ATM: variants seen among roughly 807,000 people sequenced by gnomAD.
The protein encoded by ATM is serine-protein kinase ATM.
ATM carries 308 observed loss-of-function variants against 387.0 expected under a neutral mutation model. The observed-to-expected ratio is 0.80, with a 90% CI of 0.73 to 0.87. The LOEUF (loss-of-function observed/expected upper bound fraction) is 0.87. Among genes scored for constraint, ATM ranks in the 40% least tolerant of loss-of-function variants. ATM has a pLI of 0.00. For synonymous variants in ATM, 1,156 were observed against 1,187.3 expected, an observed-to-expected ratio of 0.97 and a Z score of 0.54; for missense variants, 3,312 against 3,560.9, an observed-to-expected ratio of 0.93 and a Z score of 1.78.
intron 61 of ATM, among the ~76,000 whole-genome samples, chr11:108,357,238 G>A (rs365288): frequency 0.52 from 79,566 of 151,936 alleles, 21,708 homozygotes; most frequent in Middle Eastern, 0.73. Flanking sequence ...TTTTTGGACC[G>A]GCTTAAAAAA....
intron 31 of ATM, among the ~76,000 whole-genome samples, chr11:108,293,891 A>AT (rs1591680021): frequency 2.7e-4 from 31 of 116,508 alleles, no homozygotes; most frequent in East Asian, 2.0e-3. Flanking sequence ...AAAAAAAAAA[A>AT]AAAATATATA....
chr11:108,271,156 T>G lies in ATM; in HGVS notation c.2921+10T>G, dbSNP rs1060504278. 1 of 1,613,796 alleles carries G rather than the reference T, an allele frequency of 6.2e-7. No individual in the cohort carries two copies. Among genetic ancestry groups the G allele is most frequent in the Non-Finnish European group, 8.5e-7 (1 of 1,179,846 alleles). On this transcript the variant is annotated intron_variant, in intron 19 of 62. Transcript: ENST00000675843. Reference sequence around the variant, plus strand: ...TTCTGAAACCACTATCGTAAGAAATTAAAACCTTATGTTATGTTCACTTTA... The same window carrying G: ...TTCTGAAACCACTATCGTAAGAAATGAAAACCTTATGTTATGTTCACTTTA...
At chr11:108,268,296 T>C in intron 17 of ATM, 114 bp from the exon 18 acceptor site, 1 of 901,014 alleles carries the variant, frequency 1.1e-6, no homozygotes, top group South Asian at 1.4e-5. Flanking sequence ...AATTTCACTA[T>C]AATTTTGCTT....
rs587782236 is a variant in ATM, at chr11:108,304,823, G to A, written c.5645G>A (p.Arg1882Gln). The A allele has an allele frequency of 6.8e-6, 11 of 1,613,962 alleles. No individual in the cohort carries two copies. Among genetic ancestry groups the A allele is most frequent in the African/African-American group, 2.7e-5 (2 of 75,026 alleles). ...SCLRHFSQTS[R>Q]STTPANLDSE... ...CTTCGACACTTCTCGCAAACGAGCC[G>A]ATCCACAACCCCTGCAAACTTGGAT... The change falls in exon 37 of 63, where the codon CGA becomes CAA. Residue 1882 changes from arginine to glutamine, a missense_variant. By Grantham distance (43) the Arg-to-Gln change is conservative (BLOSUM62 1). Transcript: ENST00000675843.
intron 20 of ATM, among the ~76,000 whole-genome samples, chr11:108,271,689 A>T (rs994539665): frequency 6.6e-6 from 1 of 152,236 alleles, no homozygotes; most frequent in Non-Finnish European, 1.5e-5. Flanking sequence ...AGCCAAAATC[A>T]GTTGAATTGT....
chr11:108,225,898 A>G (rs1018702590), intron 1 of ATM: 3 of 152,172 alleles, frequency 2.0e-5, no homozygotes, highest in African/African-American at 7.2e-5. Flanking sequence ...AGATTCTGTG[A>G]GATTGAATCG....
At chr11:108,256,582 A>G (rs1192233392) in intron 14 of ATM, among the ~76,000 whole-genome samples, 2 of 152,278 alleles carry the variant, frequency 1.3e-5, no homozygotes, top group African/African-American at 2.4e-5. Context: ...GGTTTGTTAC[A>G]TAGATATACA....
intron 59 of ATM, among the ~76,000 whole-genome samples, chr11:108,349,051 C>T: frequency 6.6e-6 from 1 of 151,944 alleles, no homozygotes; most frequent in East Asian, 1.9e-4. Flanking sequence ...TCTGATCTCA[C>T]ACATCATCCG....
At chr11:108,272,918 T>C (rs2081679312) in intron 22 of ATM, 66 bp downstream of exon 22, 1 of 1,595,516 alleles carries the variant, frequency 6.3e-7, no homozygotes, top group Non-Finnish European at 8.6e-7. Flanking sequence ...TCTTACATAG[T>C]AACAGCTCAC....
rs1565356404 is a variant in ATM, at chr11:108,235,659, T to C, written c.332-11T>C. 1 of 1,594,210 alleles carries C rather than the reference T, an allele frequency of 6.3e-7. No homozygotes were observed. On this transcript the variant is annotated splice_polypyrimidine_tract_variant and intron_variant, in intron 4 of 62. Transcript: ENST00000675843. ...ATTTATGTTTTTCTTTATTTGTTTA[T>C]TTTGAAATAGGAGCACCTAGGCTAA...
At chr11:108,252,964 A>G in intron 12 of ATM, 52 bp downstream of exon 12, 1 of 1,468,620 alleles carries the variant, frequency 6.8e-7, no homozygotes, top group Middle Eastern at 1.8e-4. Flanking sequence ...CTTTAATTAC[A>G]AAGATGATAA....
intron 61 of ATM, among the ~76,000 whole-genome samples, chr11:108,362,405 T>C (rs2090875871): frequency 6.6e-6 from 1 of 151,890 alleles, no homozygotes; most frequent in South Asian, 2.1e-4. Context: ...TCCTCAGGGA[T>C]CTAGAATTAG....
intron 50 of ATM, chr11:108,331,187 C>T: frequency 2.6e-6 from 3 of 1,162,206 alleles, no homozygotes; most frequent in Admixed American, 4.3e-5. Flanking sequence ...GGAATATAAA[C>T]AGTACCAAGT....
chr11:108,357,825 T>C (rs951712795), intron 61 of ATM, among the ~76,000 whole-genome samples: 2 of 151,354 alleles, frequency 1.3e-5, no homozygotes, highest in Admixed American at 1.3e-4. Flanking sequence ...CAAAAGTAGA[T>C]AAAACCACAA....
At chr11:108,354,933 C>T (rs566209535) in intron 61 of ATM, 59 bp downstream of exon 61, 2 of 1,424,100 alleles carry the variant, frequency 1.4e-6, no homozygotes, top group Non-Finnish European at 2.0e-6. Flanking sequence ...CTGTGTATCT[C>T]ATCAGGAAGT....
At position 108,316,036 on chromosome 11, in the gene ATM, A is replaced by G. The variant is rs759753186; in HGVS notation, c.6121A>G (p.Met2041Val). 2 of 1,614,188 alleles carry G rather than the reference A, an allele frequency of 1.2e-6. No individual in the cohort carries two copies. Among genetic ancestry groups the G allele is most frequent in the East Asian group, 4.5e-5 (2 of 44,870 alleles). Reference protein sequence around the residue: ...TRLRTYEHEAMWGKALVTYDL... With the variant: ...TRLRTYEHEAVWGKALVTYDL... ...ACTACGAACATATGAACACGAAGCA[A>G]TGTGGGGCAAAGCCCTAGTAACATA... The change falls in exon 42 of 63, where the codon ATG becomes GTG. Residue 2041 changes from methionine to valine, a missense_variant. Around this residue, in one of 4 missense-constraint regions of ATM, gnomAD observed 1,405 missense variants for 1,604.4 expected, o/e 0.88. Coordinates refer to ENST00000675843, the MANE Select transcript of ATM (RefSeq NM_000051.4).
intron 16 of ATM, among the ~76,000 whole-genome samples, chr11:108,263,024 C>T (rs2081000062): frequency 6.6e-6 from 1 of 152,144 alleles, no homozygotes; most frequent in Non-Finnish European, 1.5e-5. Flanking sequence ...GACTCCCACA[C>T]ATTAATAATG....
intron 47 of ATM, among the ~76,000 whole-genome samples, chr11:108,326,471 T>G (rs191071125): frequency 6.6e-6 from 1 of 152,302 alleles, no homozygotes; most frequent in African/African-American, 2.4e-5. Context: ...ATTAAGCCTT[T>G]AACTTCCTAT....
At chr11:108,277,423 C>T (rs1199567357) in intron 22 of ATM, among the ~76,000 whole-genome samples, 4 of 152,292 alleles carry the variant, frequency 2.6e-5, no homozygotes, top group Admixed American at 1.3e-4. Flanking sequence ...TGAAAAAACA[C>T]TCTTGCAGCT....
Sources: gnomAD v4.1 joint callset for allele counts (sites outside exome capture counted in the v4.1 genomes callset) on GRCh38, gnomAD v4.1.1 for gene constraint, gnomAD v4.1.1 regional missense constraint, MANE v1.5 for transcripts, NCBI Gene and HGNC (gene_info 2026-07-23, HGNC 2026-07-21) for gene names.